SLC35D4: variants seen among roughly 807,000 people sequenced by gnomAD.
The protein encoded by SLC35D4 is solute carrier family 35 member D4.
At chr18:23,410,415 T>G in the SLC35D4 span, among the ~76,000 whole-genome samples, 4 of 150,922 alleles carry the variant, frequency 2.7e-5, no homozygotes, top group African/African-American at 9.8e-5. Context: ...GAGGCAGAGC[T>G]TGCAGTGAGC....
chr18:23,296,797 A>G, the SLC35D4 span: 1 of 149,908 alleles, frequency 6.7e-6, no homozygotes, highest in East Asian at 1.9e-4. Flanking sequence ...GACATCTGTC[A>G]GTGCTCATAA....
chr18:23,387,964 C>T, the SLC35D4 span, among the ~76,000 whole-genome samples: 2 of 152,144 alleles, frequency 1.3e-5, no homozygotes, highest in East Asian at 3.8e-4. Flanking sequence ...CAAACTTGGG[C>T]CCTGGCCTTC....
the SLC35D4 span, among the ~76,000 whole-genome samples, chr18:23,325,748 T>C: frequency 3.3e-5 from 5 of 152,282 alleles, no homozygotes; most frequent in South Asian, 4.1e-4. Context: ...AGTACCCCTC[T>C]TCATGAAAGC....
chr18:23,316,829 C>G, the SLC35D4 span, among the ~76,000 whole-genome samples: 1 of 152,000 alleles, frequency 6.6e-6, no homozygotes, highest in Non-Finnish European at 1.5e-5. Context: ...AGAAAGTAAC[C>G]AAAATGTGAT....
chr18:23,377,666 T>A, the SLC35D4 span: 1 of 1,576,648 alleles, frequency 6.3e-7, no homozygotes, highest in Non-Finnish European at 8.6e-7. Context: ...TTGCAGGAGA[T>A]GTTTTCTGCA....
At chr18:23,396,221 G>T in the SLC35D4 span, among the ~76,000 whole-genome samples, 1 of 152,164 alleles carries the variant, frequency 6.6e-6, no homozygotes, top group African/African-American at 2.4e-5. Context: ...GAACTTCAAG[G>T]TCTTGTCAGA....
the SLC35D4 span, among the ~76,000 whole-genome samples, chr18:23,327,888 G>C: frequency 6.6e-6 from 1 of 152,184 alleles, no homozygotes; most frequent in Non-Finnish European, 1.5e-5. Flanking sequence ...TGGGATGCAA[G>C]GCTGATTCAA....
At chr18:23,429,407 A>C in the SLC35D4 span, among the ~76,000 whole-genome samples, 1 of 152,048 alleles carries the variant, frequency 6.6e-6, no homozygotes, top group East Asian at 1.9e-4. Context: ...CCCAGGCTGG[A>C]GTACAACGGT....
At chr18:23,246,514 C>T in the SLC35D4 span, among the ~76,000 whole-genome samples, 19 of 152,048 alleles carry the variant, frequency 1.2e-4, no homozygotes, top group Admixed American at 7.9e-4. Context: ...GCGTCAGCCT[C>T]CCAAGTAGCT....
At chr18:23,416,426 C>T in the SLC35D4 span, among the ~76,000 whole-genome samples, 1 of 152,220 alleles carries the variant, frequency 6.6e-6, no homozygotes, top group Non-Finnish European at 1.5e-5. Flanking sequence ...CCTCTGTCAT[C>T]TCTGCATTCA....
chr18:23,285,138 C>A, the SLC35D4 span, among the ~76,000 whole-genome samples: 138 of 152,258 alleles, frequency 9.1e-4, 1 homozygote, highest in African/African-American at 3.1e-3. Flanking sequence ...TATCTCTGTG[C>A]CCCGATCCCT....
the SLC35D4 span, among the ~76,000 whole-genome samples, chr18:23,394,532 C>T: frequency 2.5e-4 from 38 of 152,150 alleles, no homozygotes; most frequent in Admixed American, 5.9e-4. Flanking sequence ...TGATAGTATC[C>T]TTTAAAGCAC....
At chr18:23,248,225 C>T in the SLC35D4 span, among the ~76,000 whole-genome samples, 4 of 152,264 alleles carry the variant, frequency 2.6e-5, no homozygotes, top group South Asian at 2.1e-4. Flanking sequence ...CTCAACGGAT[C>T]GGATATCGTC....
chr18:23,255,726 A>AT, the SLC35D4 span, among the ~76,000 whole-genome samples: 16 of 151,600 alleles, frequency 1.1e-4, no homozygotes, highest in Admixed American at 2.6e-4. Context: ...CGCCTGGCTA[A>AT]TTTTTTTTAT....
chr18:23,386,059 G>C, the SLC35D4 span, among the ~76,000 whole-genome samples: 976 of 150,418 alleles, frequency 6.5e-3, 3 homozygotes, highest in Non-Finnish European at 0.01. Flanking sequence ...CATGAACCCA[G>C]GAGGCAGAAC....
At chr18:23,378,382 A>G in the SLC35D4 span, among the ~76,000 whole-genome samples, 1 of 151,926 alleles carries the variant, frequency 6.6e-6, no homozygotes, top group East Asian at 1.9e-4. Context: ...CCATTCACTA[A>G]TCCAGCTGAC....
At chr18:23,327,593 G>A in the SLC35D4 span, among the ~76,000 whole-genome samples, 1,002 of 150,442 alleles carry the variant, frequency 6.7e-3, 10 homozygotes, top group African/African-American at 0.023. Flanking sequence ...AGGACCAGAC[G>A]GATTCACAGC....
the SLC35D4 span, chr18:23,370,256 A>G: frequency 6.2e-7 from 1 of 1,613,082 alleles, no homozygotes; most frequent in East Asian, 2.2e-5. Context: ...AGAATTTTAT[A>G]AGCCCCTGAA....
the SLC35D4 span, among the ~76,000 whole-genome samples, chr18:23,400,116 T>G: frequency 6.6e-6 from 1 of 152,088 alleles, no homozygotes; most frequent in Non-Finnish European, 1.5e-5. Context: ...AGAACTTCAG[T>G]TGGGTGGCCA....
Sources: allele counts gnomAD v4.1 joint callset (sites outside exome capture counted in the v4.1 genomes callset), GRCh38; gene constraint gnomAD v4.1.1; transcripts MANE v1.5; gene names NCBI Gene and HGNC (gene_info 2026-07-23, HGNC 2026-07-21).